The following ZSWIM5 variants were observed in gnomAD, a reference collection of about 807,000 sequenced individuals.
The protein encoded by ZSWIM5 is zinc finger SWIM domain-containing protein 5.
In ZSWIM5, 55 loss-of-function variants were observed where a neutral mutation model predicts 119.6. The observed-to-expected ratio is 0.46, with a 90% CI of 0.37 to 0.58. The LOEUF (loss-of-function observed/expected upper bound fraction) is 0.58. Among genes scored for constraint, ZSWIM5 ranks in the 20% least tolerant of loss-of-function variants. The pLI, the probability that ZSWIM5 is intolerant of heterozygous loss-of-function variation, is 0.00. For missense variants in ZSWIM5, 1,193 were observed against 1,512.8 expected (o/e 0.79, Z 3.51); for synonymous variants, 537 against 606.9 (o/e 0.88, Z 1.69).
At chr1:45,120,755 T>C (rs1645586607) in intron 1 of ZSWIM5, among the ~76,000 whole-genome samples, 1 of 151,618 alleles carries the variant, frequency 6.6e-6, no homozygotes, top group Non-Finnish European at 1.5e-5. Flanking sequence ...GGATTGTAAG[T>C]GTGAGTCGCC....
intron 1 of ZSWIM5, among the ~76,000 whole-genome samples, chr1:45,094,606 T>C (rs1645388243): frequency 6.6e-6 from 1 of 152,074 alleles, no homozygotes; most frequent in Admixed American, 6.6e-5. Flanking sequence ...CTCATGCCTG[T>C]AATCCCAGCA....
At chr1:45,092,859 C>A (rs1475220817) in intron 1 of ZSWIM5, among the ~76,000 whole-genome samples, 3 of 152,234 alleles carry the variant, frequency 2.0e-5, no homozygotes, top group African/African-American at 7.2e-5. Flanking sequence ...CCGGGGCCTG[C>A]CCCAAAATTT....
chr1:45,174,397 T>C (rs1452938196), intron 1 of ZSWIM5, among the ~76,000 whole-genome samples: 4 of 151,898 alleles, frequency 2.6e-5, no homozygotes, highest in African/African-American at 7.3e-5. Flanking sequence ...TCAAAATAAA[T>C]AGGTAATTGG....
chr1:45,086,239 G>A (rs1298363821), intron 2 of ZSWIM5, among the ~76,000 whole-genome samples: 3 of 152,092 alleles, frequency 2.0e-5, no homozygotes, highest in Non-Finnish European at 2.9e-5. Flanking sequence ...AACAGAGAGG[G>A]GGAAATCTGC....
At chr1:45,082,863 TGTG>T (rs1645301882) in intron 2 of ZSWIM5, among the ~76,000 whole-genome samples, 1 of 152,118 alleles carries the variant, frequency 6.6e-6, no homozygotes, top group Non-Finnish European at 1.5e-5. Flanking sequence ...TGGTGACAGT[TGTG>T]GTGAAAAAGA....
At chr1:45,176,515 T>C (rs916633336) in intron 1 of ZSWIM5, among the ~76,000 whole-genome samples, 1 of 152,160 alleles carries the variant, frequency 6.6e-6, no homozygotes, top group African/African-American at 2.4e-5. Context: ...TCCACCCGCC[T>C]TGGCCTCCCA....
chr1:45,055,981 T>C (rs1645119285), intron 4 of ZSWIM5, among the ~76,000 whole-genome samples: 1 of 151,698 alleles, frequency 6.6e-6, no homozygotes, highest in Non-Finnish European at 1.5e-5. Flanking sequence ...GAAGGAAAAA[T>C]AAAAGAGTAT....
chr1:45,133,428 A>G (rs982693659), intron 1 of ZSWIM5, among the ~76,000 whole-genome samples: 112 of 152,258 alleles, frequency 7.4e-4, no homozygotes, highest in African/African-American at 2.3e-3. Flanking sequence ...AGAAGTGTCC[A>G]TTCATATCCT....
Position 45,018,800 on chromosome 1 carries a change from G to A in ZSWIM5, c.3212C>T (p.Ala1071Val). The part of the protein sequence containing the change: ...IPLVVKSVHC[A>V]TVLSDILRRC... ...TCGTAAGATGTCTGAAAGCACTGTG[G>A]CACAGTGCACACTCTTCACCACCAG... Residue 1071 changes from alanine to valine, a missense_variant, in exon 14 of 14, where the codon GCC (alanine) becomes GTC (valine). Physicochemically the swap from Ala to Val is moderately conservative, Grantham distance 64. Transcript: ENST00000359600. This position sits in a 1 kb window ranked among gnomAD's most constrained non-coding sequence, Gnocchi z 6.7. 1.2e-6 allele frequency: 2 copies of A among 1,614,228 alleles called. No individual in the cohort carries two copies. Among genetic ancestry groups the A allele is most frequent in the Non-Finnish European group, 8.5e-7 (1 of 1,180,038 alleles).
At chr1:45,204,306 T>C (rs1646174176) in intron 1 of ZSWIM5, among the ~76,000 whole-genome samples, 1 of 152,158 alleles carries the variant, frequency 6.6e-6, no homozygotes, top group Admixed American at 6.5e-5. Flanking sequence ...ATTTACAGAC[T>C]AATAGGAAAA....
intron 1 of ZSWIM5, among the ~76,000 whole-genome samples, chr1:45,195,999 C>G (rs1421342118): frequency 6.7e-6 from 1 of 149,958 alleles, no homozygotes. Context: ...TCCCAAGTAG[C>G]CGGGACTACA....
In ZSWIM5 at chr1:45,034,420, G is replaced by A. The variant is rs781582686; in HGVS notation, c.2341C>T (p.His781Tyr). The A allele has an allele frequency of 1.9e-6, 3 of 1,613,798 alleles. No individual in the cohort carries two copies. Among genetic ancestry groups the A allele is most frequent in the South Asian group, 2.2e-5 (2 of 91,026 alleles). The change falls in exon 11 of 14, where the codon CAC (histidine) becomes TAC (tyrosine). Residue 781 changes from histidine to tyrosine, a missense_variant. By Grantham distance (83) the His-to-Tyr change is moderately conservative. This residue lies in a region of ZSWIM5 where 961 missense variants were observed against 1,290.0 expected (regional missense o/e 0.74). Transcript: ENST00000359600. ...CTGGGCACCACAGACACCATATGGT[G>A]AGGGTGGGATGTGTCGCCTGCAGAA... is the stretch of plus-strand genomic sequence containing the variant. ...SASAGDTSHP[H>Y]HMVSVVPSRY...
chr1:45,189,195 A>T (rs1235527185), intron 1 of ZSWIM5, among the ~76,000 whole-genome samples: 1 of 151,948 alleles, frequency 6.6e-6, no homozygotes, highest in Non-Finnish European at 1.5e-5. Context: ...CACACCTACA[A>T]TCCCAGCTAC....
intron 5 of ZSWIM5, among the ~76,000 whole-genome samples, chr1:45,050,548 G>T (rs1645083104): frequency 6.6e-6 from 1 of 152,166 alleles, no homozygotes; most frequent in Admixed American, 6.5e-5. Flanking sequence ...AGGGTGGAGG[G>T]TATGGTATCA....
chr1:45,197,161 C>T (rs1646130679), intron 1 of ZSWIM5, among the ~76,000 whole-genome samples: 1 of 152,212 alleles, frequency 6.6e-6, no homozygotes, highest in Non-Finnish European at 1.5e-5. Flanking sequence ...TGGACAGGAA[C>T]TTTCAGTATA....
intron 1 of ZSWIM5, among the ~76,000 whole-genome samples, chr1:45,096,929 T>C (rs1042670039): frequency 6.6e-6 from 1 of 152,216 alleles, no homozygotes; most frequent in Admixed American, 6.5e-5. Flanking sequence ...AAATGAGCCA[T>C]GCTTTCTTTG....
intron 1 of ZSWIM5, among the ~76,000 whole-genome samples, chr1:45,197,639 G>A (rs1646134380): frequency 6.6e-6 from 1 of 152,174 alleles, no homozygotes; most frequent in East Asian, 1.9e-4. Flanking sequence ...GTGAACATAT[G>A]AGGGTCTTCA....
At chr1:45,135,102 GC>G in intron 1 of ZSWIM5, among the ~76,000 whole-genome samples, 1 of 145,618 alleles carries the variant, frequency 6.9e-6, no homozygotes, top group African/African-American at 2.5e-5. Flanking sequence ...AAATGGGATT[GC>G]TAGATCATAC....
At chr1:45,165,452 G>A (rs1427894304) in intron 1 of ZSWIM5, among the ~76,000 whole-genome samples, 1 of 152,034 alleles carries the variant, frequency 6.6e-6, no homozygotes, top group Admixed American at 6.6e-5. Flanking sequence ...CAGAAGGTAA[G>A]AAATAACTAA....
Sources: gnomAD v4.1 joint callset for allele counts (sites outside exome capture counted in the v4.1 genomes callset) on GRCh38, gnomAD v4.1.1 for gene constraint, gnomAD v4.1.1 regional missense constraint, Gnocchi (gnomAD v3.1) non-coding constraint, MANE v1.5 for transcripts, NCBI Gene and HGNC (gene_info 2026-07-23, HGNC 2026-07-21) for gene names.